Variants in PALS2 observed in about 807,000 individuals in gnomAD.
PALS2 encodes protein associated with LIN7 2, MAGUK p55 family member.
A neutral mutation model predicts 61.6 loss-of-function variants in PALS2; 27 were observed. The ratio of observed to expected loss-of-function variants is 0.44; its 90% CI spans 0.32 to 0.60. The LOEUF is 0.60. PALS2 is among the 20% of genes least tolerant of loss of function. PALS2 has a pLI of 0.05. For missense variants in PALS2, 554 were observed against 639.4 expected (o/e 0.87, Z 1.44); for synonymous variants, 236 against 218.6 (o/e 1.08, Z -0.70).
intron 8 of PALS2, 126 bp from the exon 9 acceptor site, chr7:24,668,373 T>A: frequency 1.2e-6 from 1 of 821,170 alleles, no homozygotes; most frequent in Non-Finnish European, 1.9e-6. Flanking sequence ...AAATCTATGC[T>A]AAGTGGGTAC....
intron 3 of PALS2, among the ~76,000 whole-genome samples, chr7:24,649,116 T>C (rs972193131): frequency 3.9e-5 from 6 of 152,178 alleles, no homozygotes; most frequent in African/African-American, 1.4e-4. Context: ...ATGCTAATAT[T>C]TATCCATTTT....
At position 24,668,492 on chromosome 7, in the gene PALS2, C is replaced by T. The variant is rs780675675; in HGVS notation, c.953-7C>T. 9 of 1,605,324 alleles carry T rather than the reference C, an allele frequency of 5.6e-6. No individual in the cohort carries two copies. The African/African-American group carries it at 1.1e-4, about 19-fold the overall frequency. The stretch of plus-strand genomic sequence containing the variant: ...GACTTTGTATTCCCATTTCCTTTTT[C>T]ATTTAGAATTTGATCGTCATGAAAT... On this transcript the variant is annotated splice_polypyrimidine_tract_variant and splice_region_variant and intron_variant, in intron 8 of 11. Transcript: ENST00000222644.
At chr7:24,580,950 T>C (rs2128039275) in intron 1 of PALS2, among the ~76,000 whole-genome samples, 1 of 152,332 alleles carries the variant, frequency 6.6e-6, no homozygotes, top group South Asian at 2.1e-4. Flanking sequence ...TAAAATCTTT[T>C]TATGATTGTA....
rs977132728 is a variant in PALS2 at position 24,689,095 on chromosome 7, T to C, written c.*1481T>C. The C allele has an allele frequency of 6.6e-6, 1 of 152,244 alleles. No homozygotes were observed. Among genetic ancestry groups the C allele is most frequent in the Admixed American group, 6.5e-5 (1 of 15,288 alleles). The allele number at this position is 152,244 out of a possible 1,614,324, so 9.4% of individuals were successfully genotyped here. ...TCCCAAAGTGCTGAGATTACAAGCA[T>C]GAGCCACTGCACCTAGCCAAGAAGT... On this transcript the variant is annotated 3_prime_UTR_variant, in exon 12 of 12. Transcript: ENST00000222644.
At chr7:24,576,897 A>C (rs1038615956) in intron 1 of PALS2, among the ~76,000 whole-genome samples, 5 of 152,228 alleles carry the variant, frequency 3.3e-5, no homozygotes, top group Non-Finnish European at 5.9e-5. Context: ...TATAGATAAG[A>C]TTAAAGCCCA....
At chr7:24,681,539 T>TA (rs1787927964) in intron 11 of PALS2, among the ~76,000 whole-genome samples, 1 of 151,990 alleles carries the variant, frequency 6.6e-6, no homozygotes, top group Non-Finnish European at 1.5e-5. Flanking sequence ...TTTTTTTTTT[T>TA]TTTTTACTGT....
Position 24,650,292 on chromosome 7 carries a change from C to T in PALS2, c.424-193C>T, listed in dbSNP as rs115687925. 2.6e-3 allele frequency among the ~76,000 whole-genome samples: 403 copies of T among 152,214 alleles called. 3 individuals carry two copies. Among genetic ancestry groups the T allele is most frequent in the African/African-American group, 9.1e-3 (380 of 41,542 alleles). Reference sequence around the variant, plus strand: ...TTCCATTTAGCCTGTAAGATACATCCTATCCACTAGTGTAATAAACTATAC... The same window carrying T: ...TTCCATTTAGCCTGTAAGATACATCTTATCCACTAGTGTAATAAACTATAC... On this transcript the variant is annotated intron_variant, in intron 4 of 11. Transcript: ENST00000222644.
chr7:24,650,381 A>T (rs2128078341), intron 4 of PALS2, 104 bp from the exon 5 acceptor site: 1 of 945,320 alleles, frequency 1.1e-6, no homozygotes. Flanking sequence ...AGTAAGAATG[A>T]TTCATTTTAC....
At chr7:24,679,806 A>T (rs1043578904) in intron 10 of PALS2, among the ~76,000 whole-genome samples, 2 of 152,142 alleles carry the variant, frequency 1.3e-5, no homozygotes, top group African/African-American at 4.8e-5. Flanking sequence ...CCCTACTCAG[A>T]GATAAAAATT....
chr7:24,600,937 A>G (rs1305603632), intron 1 of PALS2, among the ~76,000 whole-genome samples: 1 of 151,768 alleles, frequency 6.6e-6, no homozygotes, highest in African/African-American at 2.4e-5. Flanking sequence ...CTTTTTTTTT[A>G]GGTTTTTATT....
intron 2 of PALS2, among the ~76,000 whole-genome samples, chr7:24,634,758 TTACATGTGCTTCTCTAG>T (rs772036410): frequency 9.9e-5 from 15 of 152,212 alleles, no homozygotes; most frequent in Non-Finnish European, 2.2e-4. Flanking sequence ...CTTCTGTCTT[TTACATGTGCTTCTCTAG>T]TCCATTTGTT....
chr7:24,578,156 G>GC (rs1272642253), intron 1 of PALS2, among the ~76,000 whole-genome samples: 4 of 151,962 alleles, frequency 2.6e-5, no homozygotes, highest in Non-Finnish European at 5.9e-5. Flanking sequence ...TGTGTGTGTT[G>GC]CCCAGGCTGC....
Position 24,691,181 on chromosome 7 carries a change from A to G in PALS2, c.*3567A>G, listed in dbSNP as rs1008824812. The G allele has an allele frequency of 4.6e-5, 7 of 151,934 alleles. No individual in the cohort carries two copies. Among genetic ancestry groups the G allele is most frequent in the African/African-American group, 1.2e-4 (5 of 41,422 alleles). The allele number at this position is 151,934 out of a possible 1,614,324, so 9.4% of individuals were successfully genotyped here. On this transcript the variant is annotated 3_prime_UTR_variant, in exon 12 of 12. Transcript: ENST00000222644. Reference sequence around the variant, plus strand: ...TTGAATTGGCAAACTAAAGATAACAATTTTGAAAATTGCTCAAAATAATAA... The same window carrying G: ...TTGAATTGGCAAACTAAAGATAACAGTTTTGAAAATTGCTCAAAATAATAA...
At chr7:24,589,547 A>T (rs2128042819) in intron 1 of PALS2, 1 of 152,280 alleles carries the variant, frequency 6.6e-6, no homozygotes, top group East Asian at 1.9e-4. Flanking sequence ...GTGTGTGAAG[A>T]GACTACTTTT....
intron 1 of PALS2, among the ~76,000 whole-genome samples, chr7:24,608,142 A>T (rs1205539767): frequency 1.3e-5 from 2 of 152,126 alleles, no homozygotes; most frequent in African/African-American, 4.8e-5. Context: ...CTCACTGTTC[A>T]TCACAACTTT....
At chr7:24,576,535 T>C (rs1054706427) in intron 1 of PALS2, among the ~76,000 whole-genome samples, 1 of 152,234 alleles carries the variant, frequency 6.6e-6, no homozygotes, top group Non-Finnish European at 1.5e-5. Context: ...TATCATTCTT[T>C]ATAGACTGTG....
At chr7:24,620,705 T>G (rs1181242320) in intron 1 of PALS2, among the ~76,000 whole-genome samples, 1 of 152,186 alleles carries the variant, frequency 6.6e-6, no homozygotes, top group East Asian at 1.9e-4. Context: ...TACTGTTAAT[T>G]TGCTAGGTAT....
At chr7:24,671,963 A>C (rs1450154209) in intron 9 of PALS2, among the ~76,000 whole-genome samples, 2 of 151,670 alleles carry the variant, frequency 1.3e-5, no homozygotes, top group Non-Finnish European at 2.9e-5. Context: ...AAGTTTCAAA[A>C]CCAGGAATTG....
At chr7:24,660,300 C>T (rs1786651152) in intron 5 of PALS2, among the ~76,000 whole-genome samples, 1 of 152,068 alleles carries the variant, frequency 6.6e-6, no homozygotes. Flanking sequence ...CCCTCTGAAT[C>T]CTTCCCACTA....
Sources: gnomAD v4.1 joint callset for allele counts (sites outside exome capture counted in the v4.1 genomes callset) on GRCh38, gnomAD v4.1.1 for gene constraint, MANE v1.5 for transcripts, NCBI Gene and HGNC (gene_info 2026-07-23, HGNC 2026-07-21) for gene names.